HCN1: variants seen among roughly 807,000 people sequenced by gnomAD.
HCN1 encodes the protein potassium/sodium hyperpolarization-activated cyclic nucleotide-gated channel 1.
Under a neutral mutation model 78.9 loss-of-function variants are expected in HCN1, and 13 were observed. That is an observed-to-expected ratio of 0.16 (90% CI 0.11 to 0.26). The LOEUF is 0.26. HCN1 is among the 10% of genes least tolerant of loss of function. HCN1 has a pLI of 1.00. For missense variants in HCN1, 810 were observed against 1,154.3 expected (o/e 0.70, Z 4.32); for synonymous variants, 552 against 455.5 (o/e 1.21, Z -2.70).
At chr5:45,268,415 G>A (rs1039683559) in intron 6 of HCN1, among the ~76,000 whole-genome samples, 4 of 152,064 alleles carry the variant, frequency 2.6e-5, no homozygotes, top group African/African-American at 7.2e-5. Flanking sequence ...AAAGAGAAAT[G>A]ATAGAAGTAT....
At chr5:45,476,476 T>C (rs2111663774) in intron 2 of HCN1, among the ~76,000 whole-genome samples, 1 of 152,304 alleles carries the variant, frequency 6.6e-6, no homozygotes, top group Admixed American at 6.5e-5. Flanking sequence ...GAGGCATCAA[T>C]TTACTGTTGG....
chr5:45,379,317 T>C (rs571142362), intron 4 of HCN1, among the ~76,000 whole-genome samples: 4 of 152,140 alleles, frequency 2.6e-5, no homozygotes, highest in Non-Finnish European at 5.9e-5. Flanking sequence ...CTCTTTTCTA[T>C]GATACGCTCC....
At chr5:45,405,045 A>C (rs907764509) in intron 3 of HCN1, among the ~76,000 whole-genome samples, 1 of 152,178 alleles carries the variant, frequency 6.6e-6, no homozygotes, top group African/African-American at 2.4e-5. Flanking sequence ...TGAAGAATTA[A>C]TGGATAATAA....
chr5:45,341,449 A>G (rs1377168198), intron 5 of HCN1, among the ~76,000 whole-genome samples: 1 of 152,216 alleles, frequency 6.6e-6, no homozygotes, highest in Non-Finnish European at 1.5e-5. Context: ...TTTCAATGGA[A>G]GTTTTAAACA....
At chr5:45,430,838 A>G (rs1165629723) in intron 3 of HCN1, among the ~76,000 whole-genome samples, 1 of 151,698 alleles carries the variant, frequency 6.6e-6, no homozygotes, top group Non-Finnish European at 1.5e-5. Flanking sequence ...AAGAAAAATT[A>G]CTCCACTATT....
intron 3 of HCN1, among the ~76,000 whole-genome samples, chr5:45,404,728 A>G (rs1739887711): frequency 1.3e-5 from 2 of 149,828 alleles, no homozygotes; most frequent in Non-Finnish European, 3.0e-5. Flanking sequence ...AAAAGGAAAA[A>G]GAAAGAAAAA....
At chr5:45,509,275 C>G (rs775798834) in intron 2 of HCN1, among the ~76,000 whole-genome samples, 2 of 151,978 alleles carry the variant, frequency 1.3e-5, no homozygotes, top group Non-Finnish European at 2.9e-5. Flanking sequence ...TTTTGTTGTG[C>G]CAGGGAGTTA....
chr5:45,322,680 A>G (rs995910067), intron 5 of HCN1, among the ~76,000 whole-genome samples: 2 of 151,858 alleles, frequency 1.3e-5, no homozygotes, highest in Admixed American at 6.6e-5. Flanking sequence ...AACCTGTCCC[A>G]CGAAGTCAAG....
chr5:45,490,196 A>C (rs1741853983), intron 2 of HCN1, among the ~76,000 whole-genome samples: 1 of 152,190 alleles, frequency 6.6e-6, no homozygotes, highest in East Asian at 1.9e-4. Flanking sequence ...GAAATTCACT[A>C]TAACTAGGTC....
In HCN1 at chr5:45,277,031, T is replaced by C. The variant is rs537815581; in HGVS notation, c.1619-9778A>G. Among the ~76,000 whole-genome samples, 7 of 152,166 alleles carry C rather than the reference T, an allele frequency of 4.6e-5. No homozygotes were observed. The East Asian group carries it at 1.4e-3, about 29-fold the overall frequency. On this transcript the variant is annotated intron_variant, in intron 6 of 7. Transcript: ENST00000303230. ...TTTGATTAGGCATAGAGAATATTTC[T>C]CCATGGGTAAGAAAGTTAGTCCTGG...
At chr5:45,610,991 A>G (rs1300866154) in intron 2 of HCN1, among the ~76,000 whole-genome samples, 1 of 151,896 alleles carries the variant, frequency 6.6e-6, no homozygotes, top group Non-Finnish European at 1.5e-5. Flanking sequence ...AAGAAATTCA[A>G]TGAATATTTT....
chr5:45,545,863 C>T (rs1318457011), intron 2 of HCN1, among the ~76,000 whole-genome samples: 1 of 151,978 alleles, frequency 6.6e-6, no homozygotes, highest in Non-Finnish European at 1.5e-5. Context: ...ATTGGACTTC[C>T]TACTGTAATA....
intron 5 of HCN1, among the ~76,000 whole-genome samples, chr5:45,313,389 AG>A (rs2111920742): frequency 6.6e-6 from 1 of 152,306 alleles, no homozygotes; most frequent in East Asian, 1.9e-4. Flanking sequence ...CAAAGACCAA[AG>A]GTAGATAAAA....
At chr5:45,573,812 GA>G (rs1224255883) in intron 2 of HCN1, among the ~76,000 whole-genome samples, 4 of 151,716 alleles carry the variant, frequency 2.6e-5, no homozygotes, top group Admixed American at 6.6e-5. Context: ...AGAGGTTTCT[GA>G]AAAAAAGTAT....
chr5:45,638,654 C>A (rs1580011691), intron 2 of HCN1, among the ~76,000 whole-genome samples: 1 of 152,228 alleles, frequency 6.6e-6, no homozygotes, highest in Non-Finnish European at 1.5e-5. Context: ...TGTAATCCCA[C>A]CACTTTGGGA....
At chr5:45,403,598 C>T (rs1739865422) in intron 3 of HCN1, among the ~76,000 whole-genome samples, 1 of 152,074 alleles carries the variant, frequency 6.6e-6, no homozygotes, top group South Asian at 2.1e-4. Context: ...GATAACTCCC[C>T]CACCATGATT....
At chr5:45,324,342 G>T (rs1280229601) in intron 5 of HCN1, among the ~76,000 whole-genome samples, 4 of 151,914 alleles carry the variant, frequency 2.6e-5, no homozygotes, top group Admixed American at 1.3e-4. Flanking sequence ...GTGGGTGAAA[G>T]ATATGAAGAG....
At chr5:45,333,749 TC>T (rs1451648323) in intron 5 of HCN1, among the ~76,000 whole-genome samples, 2 of 151,826 alleles carry the variant, frequency 1.3e-5, no homozygotes, top group Non-Finnish European at 2.9e-5. Context: ...GACTATCTAT[TC>T]CCCAGTATAT....
At chr5:45,504,016 C>T (rs1365359046) in intron 2 of HCN1, among the ~76,000 whole-genome samples, 4 of 152,046 alleles carry the variant, frequency 2.6e-5, no homozygotes, top group Admixed American at 6.6e-5. Context: ...GAACTCCTGA[C>T]CTCATGTGAT....
Sources: gnomAD v4.1 joint callset for allele counts (sites outside exome capture counted in the v4.1 genomes callset) on GRCh38, gnomAD v4.1.1 for gene constraint, MANE v1.5 for transcripts, NCBI Gene and HGNC (gene_info 2026-07-23, HGNC 2026-07-21) for gene names.